Variants in TIMM23B observed in about 807,000 individuals in gnomAD.
TIMM23B encodes mitochondrial import inner membrane translocase subunit Tim23B.
Under a neutral mutation model 27.3 loss-of-function variants are expected in TIMM23B, and 27 were observed. The ratio of observed to expected loss-of-function variants is 0.99; its 90% CI spans 0.73 to 1.36. The LOEUF (loss-of-function observed/expected upper bound fraction) is 1.36, where lower values mean the gene tolerates loss of function less well. Among genes scored for constraint, TIMM23B ranks in the 40% most tolerant of loss-of-function variants. TIMM23B has a pLI of 0.00. For missense variants in TIMM23B, 205 were observed against 244.2 expected, an observed-to-expected ratio of 0.84 and a Z score of 1.07; for synonymous variants, 73 against 92.4, an observed-to-expected ratio of 0.79 and a Z score of 1.21.
At position 49,974,607 on chromosome 10, in the gene TIMM23B, A is replaced by G. The variant is rs1469545149; in HGVS notation, c.*1543A>G. On this transcript the variant is annotated 3_prime_UTR_variant, in exon 7 of 7. Coordinates refer to ENST00000651259, the MANE Select transcript of TIMM23B (RefSeq NM_001290117.2). ...AATACCTATATGTATGTGTGTACAC[A>G]TACAGCTGATATCTGCTGAGATTAT... The G allele has an allele frequency of 6.6e-6, 1 of 151,144 alleles. No individual in the cohort carries two copies. The highest frequency in any genetic ancestry group is 1.5e-5 in the Non-Finnish European group (1 of 67,988). 9.4% of individuals were successfully genotyped at this position (151,144 alleles called of 1,614,324 possible). A position where few individuals can be genotyped will look rare whatever the true frequency, so the allele number is the denominator to read the frequency against.
chr10:49,970,830 A>G (rs1328727620), intron 6 of TIMM23B, among the ~76,000 whole-genome samples: 1 of 152,224 alleles, frequency 6.6e-6, no homozygotes, highest in Non-Finnish European at 1.5e-5. Context: ...TGGGAGGTGT[A>G]CCCAACAGCT....
At chr10:49,960,526 T>C (rs1192068949) in intron 6 of TIMM23B, among the ~76,000 whole-genome samples, 20 of 152,180 alleles carry the variant, frequency 1.3e-4, no homozygotes, top group Admixed American at 1.3e-3. Flanking sequence ...ATCCTTTATA[T>C]AGGTTAGCTC....
chr10:49,964,425 GTC>G (rs1289285651), intron 6 of TIMM23B, among the ~76,000 whole-genome samples: 1 of 151,292 alleles, frequency 6.6e-6, no homozygotes, highest in East Asian at 1.9e-4. Flanking sequence ...GATAGAGCGA[GTC>G]TCTGTCTTGA....
chr10:49,944,963 G>T, intron 1 of TIMM23B, 69 bp from the exon 2 acceptor site: 1 of 1,569,124 alleles, frequency 6.4e-7, no homozygotes, highest in Non-Finnish European at 8.7e-7. Flanking sequence ...ACAATCAGGA[G>T]CTGGATTAAC....
Position 49,952,426 on chromosome 10 carries a change from G to T in TIMM23B, c.260-23G>T, listed in dbSNP as rs1193117978. ...TTTTAATATAAAGCTGTCTTATCTG[G>T]GTGAATTTTTATGATTTACCAGGGG... On this transcript the variant is annotated intron_variant, in intron 3 of 6. Transcript: ENST00000651259. 1.1e-4 allele frequency: 171 copies of T among 1,611,740 alleles called. 3 individuals are homozygous for T. In the South Asian group the frequency reaches 1.7e-3, roughly 16 times the overall value.
At chr10:49,966,395 G>A (rs1452562431) in intron 6 of TIMM23B, among the ~76,000 whole-genome samples, 2 of 150,430 alleles carry the variant, frequency 1.3e-5, no homozygotes, top group Non-Finnish European at 2.9e-5. Context: ...ATGAAATAAT[G>A]AAATGAATAA....
At chr10:49,964,720 G>A (rs1554855147) in intron 6 of TIMM23B, among the ~76,000 whole-genome samples, 1 of 151,904 alleles carries the variant, frequency 6.6e-6, no homozygotes, top group Admixed American at 6.5e-5. Flanking sequence ...GATAGAGCGA[G>A]TCTCTGTCTC....
chr10:49,948,363 G>A (rs1371313964), intron 2 of TIMM23B, among the ~76,000 whole-genome samples: 4 of 151,866 alleles, frequency 2.6e-5, no homozygotes, highest in Non-Finnish European at 5.9e-5. Context: ...TTTCACTTGC[G>A]TATACTCCAT....
At position 49,942,112 on chromosome 10, in the gene TIMM23B, C is replaced by T; in HGVS notation, c.-83C>T. ...AGTAGGCGCTGGCAACGCGGGGTTA[C>T]CCGCTGTTATTGAGGAGTAACGGCC... On this transcript the variant is annotated 5_prime_UTR_variant, in exon 1 of 7. Coordinates refer to ENST00000651259, the MANE Select transcript of TIMM23B (RefSeq NM_001290117.2). 17 of 1,459,750 alleles carry T rather than the reference C, an allele frequency of 1.2e-5. No homozygotes were observed. Among genetic ancestry groups the T allele is most frequent in the Non-Finnish European group, 1.5e-5 (16 of 1,089,036 alleles). 90.4% of individuals were successfully genotyped at this position (1,459,750 alleles called of 1,614,324 possible).
chr10:49,969,639 A>C (rs1554856104), intron 6 of TIMM23B, among the ~76,000 whole-genome samples: 1 of 151,362 alleles, frequency 6.6e-6, no homozygotes, highest in African/African-American at 2.4e-5. Flanking sequence ...GGCTGCAGTG[A>C]GCCGTGATCA....
intron 1 of TIMM23B, 140 bp downstream of exon 1, chr10:49,942,440 G>A (rs1238867009): frequency 1.2e-5 from 18 of 1,443,424 alleles, no homozygotes; most frequent in Non-Finnish European, 1.7e-5. Context: ...TGGGGTTAGT[G>A]TATCTGCATG....
At chr10:49,968,396 C>T (rs1454497557) in intron 6 of TIMM23B, among the ~76,000 whole-genome samples, 3 of 152,228 alleles carry the variant, frequency 2.0e-5, no homozygotes, top group African/African-American at 4.8e-5. Context: ...CAAAATGCTA[C>T]GTGATATTTG....
rs1426980015 is a variant in TIMM23B, at chr10:49,953,576, G to A, written c.344+1043G>A. Among the ~76,000 whole-genome samples the A allele has an allele frequency of 2.0e-5, 3 of 152,200 alleles. No homozygotes were observed. In the East Asian group the frequency reaches 5.8e-4, roughly 29 times the overall value. On this transcript the variant is annotated intron_variant, in intron 4 of 6. Transcript: ENST00000651259. ...GCTCAGGCTGTTCTCAAACTCCTGA[G>A]CTCAGGTGATCCTCTTGCCTCAGCC...
At position 49,965,654 on chromosome 10, in the gene TIMM23B, GAAATGAAATGAAAC is replaced by G. The variant is rs1272027781; in HGVS notation, c.514+7188_514+7201del. Among the ~76,000 whole-genome samples, 34 of 149,416 alleles carry G rather than the reference GAAATGAAATGAAAC, an allele frequency of 2.3e-4. 2 individuals are homozygous for G. The Middle Eastern group carries it at 0.018, about 78-fold the overall frequency. ...GGGCGATAGAGCGAGTCTCTGTCTC[GAAATGAAATGAAAC>G]AAATGAAATGAAATGAAGTGAGAAA... On this transcript the variant is annotated intron_variant, in intron 6 of 6. Coordinates refer to ENST00000651259, the MANE Select transcript of TIMM23B (RefSeq NM_001290117.2).
At chr10:49,959,415 T>A (rs1373925272) in intron 6 of TIMM23B, among the ~76,000 whole-genome samples, 1 of 152,218 alleles carries the variant, frequency 6.6e-6, no homozygotes, top group Non-Finnish European at 1.5e-5. Flanking sequence ...GAGATAAACA[T>A]GTTGCTGTCA....
intron 1 of TIMM23B, among the ~76,000 whole-genome samples, 176 bp from the exon 2 acceptor site, chr10:49,944,856 T>C (rs1176562498): frequency 2.6e-5 from 4 of 152,166 alleles, no homozygotes; most frequent in African/African-American, 9.7e-5. Flanking sequence ...ATTGAGGGTC[T>C]CAGGATGAGT....
intron 6 of TIMM23B, among the ~76,000 whole-genome samples, chr10:49,966,446 A>G (rs1159195465): frequency 1.3e-5 from 2 of 150,038 alleles, no homozygotes; most frequent in Non-Finnish European, 3.0e-5. Context: ...TGAAATAATG[A>G]AATGAAATGA....
At chr10:49,951,107 G>A (rs1324206306) in intron 2 of TIMM23B, among the ~76,000 whole-genome samples, 2 of 152,184 alleles carry the variant, frequency 1.3e-5, no homozygotes, top group African/African-American at 4.8e-5. Context: ...CCATTCTTAT[G>A]TGATGAGAGT....
intron 1 of TIMM23B, chr10:49,943,417 T>C (rs1365121818): frequency 2.0e-5 from 3 of 152,052 alleles, no homozygotes; most frequent in African/African-American, 7.2e-5. Flanking sequence ...ATTGTGGAGA[T>C]GGGGTCTCCC....
Sources: gnomAD v4.1 joint callset for allele counts (sites outside exome capture counted in the v4.1 genomes callset) on GRCh38, gnomAD v4.1.1 for gene constraint, MANE v1.5 for transcripts, NCBI Gene and HGNC (gene_info 2026-07-23, HGNC 2026-07-21) for gene names.